MLLT10: variants seen among roughly 807,000 people sequenced by gnomAD.
MLLT10 encodes the protein protein AF-10.
MLLT10 carries 30 observed loss-of-function variants against 129.1 expected under a neutral mutation model. The ratio of observed to expected loss-of-function variants is 0.23; its 90% CI spans 0.17 to 0.32. The LOEUF is 0.32. Among genes scored for constraint, MLLT10 ranks in the 10% least tolerant of loss-of-function variants. The probability of loss-of-function intolerance (pLI) is 1.00; values close to 1 mark genes in which losing one functional copy is unlikely to be tolerated. For synonymous variants in MLLT10, 490 were observed against 446.4 expected (o/e 1.10, Z -1.23); for missense variants, 1,119 against 1,268.3 (o/e 0.88, Z 1.79).
chr10:21,545,227 A>T (rs1564378356), intron 3 of MLLT10, among the ~76,000 whole-genome samples: 1 of 151,922 alleles, frequency 6.6e-6, no homozygotes, highest in Admixed American at 6.6e-5. Flanking sequence ...TAGAGGGAAA[A>T]CAGGGAACCA....
intron 8 of MLLT10, among the ~76,000 whole-genome samples, chr10:21,641,152 A>G (rs2131294566): frequency 6.6e-6 from 1 of 152,324 alleles, no homozygotes; most frequent in East Asian, 1.9e-4. Flanking sequence ...TGCCAAATAA[A>G]AAGAAATGAG....
At chr10:21,722,770 G>A (rs1403169634) in intron 14 of MLLT10, among the ~76,000 whole-genome samples, 3 of 152,060 alleles carry the variant, frequency 2.0e-5, no homozygotes, top group African/African-American at 4.8e-5. Flanking sequence ...CTCATCAAGG[G>A]TCCCAGTATT....
chr10:21,570,302 G>A (rs189237403), intron 3 of MLLT10, among the ~76,000 whole-genome samples: 70 of 149,156 alleles, frequency 4.7e-4, no homozygotes, highest in Admixed American at 1.7e-3. Context: ...CGAACTCCTG[G>A]CCTGAAGTGA....
At chr10:21,678,198 G>T (rs1354099087) in intron 11 of MLLT10, among the ~76,000 whole-genome samples, 1 of 152,064 alleles carries the variant, frequency 6.6e-6, no homozygotes, top group African/African-American at 2.4e-5. Context: ...TCTGCCTCCC[G>T]AGTTAAAGCA....
chr10:21,631,082 G>A, intron 8 of MLLT10, among the ~76,000 whole-genome samples: 1 of 151,958 alleles, frequency 6.6e-6, no homozygotes, highest in East Asian at 1.9e-4. Flanking sequence ...AGGCCGAGGT[G>A]GGCGGATCAC....
chr10:21,616,926 CT>C (rs1049696050), intron 7 of MLLT10, among the ~76,000 whole-genome samples, 185 bp from the exon 8 acceptor site: 3 of 151,692 alleles, frequency 2.0e-5, no homozygotes, highest in Admixed American at 2.0e-4. Context: ...TTTAGATTTT[CT>C]TTTATAATGC....
intron 2 of MLLT10, among the ~76,000 whole-genome samples, chr10:21,535,017 C>T (rs905562738): frequency 6.7e-6 from 1 of 149,518 alleles, no homozygotes; most frequent in East Asian, 2.0e-4. Context: ...CTCACTCTCT[C>T]AAGTGTCATT....
chr10:21,543,381 A>C (rs886601846), intron 3 of MLLT10, among the ~76,000 whole-genome samples: 3 of 152,188 alleles, frequency 2.0e-5, no homozygotes, highest in African/African-American at 7.2e-5. Flanking sequence ...TCAGCCTCCC[A>C]AAGTGCTGGG....
intron 9 of MLLT10, among the ~76,000 whole-genome samples, chr10:21,654,092 T>G (rs1242620469): frequency 6.6e-6 from 1 of 152,216 alleles, no homozygotes; most frequent in African/African-American, 2.4e-5. Context: ...TATTAAGGAC[T>G]AGCCCTTTTA....
chr10:21,734,182 T>TA (rs2058170863), intron 20 of MLLT10, 53 bp downstream of exon 20: 44 of 1,525,496 alleles, frequency 2.9e-5, no homozygotes, highest in Non-Finnish European at 3.9e-5. Context: ...GTACCGGTGT[T>TA]GTCTATGCCT....
chr10:21,648,895 G>GA (rs1314174517), intron 8 of MLLT10, among the ~76,000 whole-genome samples: 6 of 152,096 alleles, frequency 3.9e-5, no homozygotes, highest in Admixed American at 3.9e-4. Context: ...CAGCTCTCAT[G>GA]AGATTTATTC....
At chr10:21,738,523 TAA>T in intron 21 of MLLT10, 1 of 1,287,556 alleles carries the variant, frequency 7.8e-7, no homozygotes, top group Non-Finnish European at 1.0e-6. Context: ...TGTCGTGGGC[TAA>T]AGTTTGTTCA....
In MLLT10 at chr10:21,713,806, T is replaced by C; in HGVS notation, c.1734T>C (p.Phe578=). Residue 578 remains phenylalanine (F), a synonymous_variant, in exon 14 of 23, where the codon TTT becomes TTC. Coordinates refer to ENST00000307729, the MANE Select transcript of MLLT10 (RefSeq NM_001195626.3). The part of the protein sequence containing the change: ...IYNSNDVAVS[F]PNVVSGSGSS... ...ACAGCAATGATGTAGCAGTATCGTT[T>C]CCAAATGTAGTATCTGGCTCGGGAT... 6.2e-7 allele frequency: 1 copy of C among 1,613,658 alleles called. No individual in the cohort carries two copies. Among genetic ancestry groups the C allele is most frequent in the South Asian group, 1.1e-5 (1 of 90,962 alleles).
At chr10:21,556,549 C>G in intron 3 of MLLT10, 2 of 915,906 alleles carry the variant, frequency 2.2e-6, no homozygotes, top group Non-Finnish European at 3.3e-6. Flanking sequence ...TTTACCCTCT[C>G]TAGGAAATTA....
At chr10:21,698,488 G>A (rs2054582966) in intron 13 of MLLT10, among the ~76,000 whole-genome samples, 1 of 152,166 alleles carries the variant, frequency 6.6e-6, no homozygotes, top group South Asian at 2.1e-4. Context: ...CACTGAGGTT[G>A]ATTCCATATC....
At chr10:21,556,780 T>C (rs772262954) in intron 3 of MLLT10, 34 of 1,596,340 alleles carry the variant, frequency 2.1e-5, no homozygotes, top group Non-Finnish European at 2.8e-5. Flanking sequence ...CTCTGATGCA[T>C]TGCTTTTGGG....
intron 6 of MLLT10, among the ~76,000 whole-genome samples, chr10:21,613,257 A>ATT (rs958001666): frequency 3.2e-4 from 48 of 151,368 alleles, no homozygotes; most frequent in African/African-American, 1.1e-3. Context: ...GGCAAAAATT[A>ATT]TTTACAACAA....
intron 14 of MLLT10, among the ~76,000 whole-genome samples, chr10:21,715,522 A>G (rs1218243591): frequency 2.0e-5 from 3 of 152,196 alleles, no homozygotes; most frequent in Non-Finnish European, 4.4e-5. Flanking sequence ...AAGTGCAACC[A>G]TATGCTGTTG....
At chr10:21,647,733 G>A (rs2048634639) in intron 8 of MLLT10, among the ~76,000 whole-genome samples, 3 of 151,556 alleles carry the variant, frequency 2.0e-5, no homozygotes, top group Admixed American at 2.0e-4. Flanking sequence ...CATGTCCAAT[G>A]GCATATGTAT....
Sources: gnomAD v4.1 joint callset for allele counts (sites outside exome capture counted in the v4.1 genomes callset) on GRCh38, gnomAD v4.1.1 for gene constraint, MANE v1.5 for transcripts, NCBI Gene and HGNC (gene_info 2026-07-23, HGNC 2026-07-21) for gene names.